The following RPS23 variants were observed in gnomAD, a reference collection of about 807,000 sequenced individuals.
The protein encoded by RPS23 is ribosomal protein S23.
For missense variants in RPS23, 73 were observed against 174.5 expected, an observed-to-expected ratio of 0.42 and a Z score of 3.28; for synonymous variants, 66 against 60.4, an observed-to-expected ratio of 1.09 and a Z score of -0.43.
chr5:82,278,344 G>A lies in RPS23; in HGVS notation c.-21C>T, dbSNP rs1209053204. The A allele has an allele frequency of 1.2e-6, 2 of 1,607,344 alleles. No individual in the cohort carries two copies. The highest frequency in any genetic ancestry group is 1.7e-6 in the Non-Finnish European group (2 of 1,177,458). On this transcript the variant is annotated 5_prime_UTR_variant, in exon 1 of 4. Coordinates refer to ENST00000296674, the MANE Select transcript of RPS23 (RefSeq NM_001025.5). Reference sequence around the variant, plus strand: ...CCCATCCTGTCGGCGCCACGGGCCTGAGCGAAAGAGAGAAGCACCGCAGGA... The same window carrying A: ...CCCATCCTGTCGGCGCCACGGGCCTAAGCGAAAGAGAGAAGCACCGCAGGA...
In RPS23 at chr5:82,278,352, G is replaced by A. The variant is rs766487481; in HGVS notation, c.-29C>T. The stretch of plus-strand genomic sequence containing the variant: ...GTCGGCGCCACGGGCCTGAGCGAAA[G>A]AGAGAAGCACCGCAGGAAGGAGCCA... On this transcript the variant is annotated 5_prime_UTR_variant, in exon 1 of 4. Transcript: ENST00000296674. 68 of 1,606,552 alleles carry A rather than the reference G, an allele frequency of 4.2e-5. No individual in the cohort carries two copies. The highest frequency in any genetic ancestry group is 3.3e-4 in the South Asian group (30 of 89,806).
intron 3 of RPS23, 42 bp from the exon 4 acceptor site, chr5:82,276,297 T>C (rs1747772777): frequency 6.2e-7 from 1 of 1,612,686 alleles, no homozygotes; most frequent in African/African-American, 1.3e-5. Context: ...TTGGTGGCGA[T>C]CACAAAAATA....
At chr5:82,277,918 A>C in intron 1 of RPS23, 66 bp from the exon 2 acceptor site, 1 of 1,392,780 alleles carries the variant, frequency 7.2e-7, no homozygotes, top group Non-Finnish European at 1.0e-6. Flanking sequence ...ATCTTCTAAG[A>C]CACTCGCCTC....
At chr5:82,277,189 A>G (rs944746923) in intron 2 of RPS23, among the ~76,000 whole-genome samples, 8 of 151,512 alleles carry the variant, frequency 5.3e-5, no homozygotes, top group Non-Finnish European at 8.8e-5. Flanking sequence ...AAAAAAAAAA[A>G]AAAAAAAAAA....
At position 82,275,165 on chromosome 5, in the gene RPS23, G is replaced by A. The variant is rs1747745012; in HGVS notation, c.*944C>T. ...TTGTTTTCCAAAGATCCTAAACAATGTAAAGCTAGGCTTTGATCAAAGGGC... is the reference window on the plus strand; with the variant it reads ...TTGTTTTCCAAAGATCCTAAACAATATAAAGCTAGGCTTTGATCAAAGGGC... On this transcript the variant is annotated 3_prime_UTR_variant, in exon 4 of 4. Transcript: ENST00000296674. 5 of 699,056 alleles carry A rather than the reference G, an allele frequency of 7.2e-6. No homozygotes were observed. Among genetic ancestry groups the A allele is most frequent in the Middle Eastern group, 4.6e-4 (2 of 4,336 alleles). The allele number at this position is 699,056 out of a possible 1,614,324, so 43.3% of individuals were successfully genotyped here.
In RPS23 at chr5:82,274,682, T is replaced by A. The variant is rs1490189975; in HGVS notation, c.*1427A>T. ...TGGTTCTGGCCAGGTGAGCGAGGCC[T>A]AGCAATCTCTCCCGCATCACAAAGG... On this transcript the variant is annotated 3_prime_UTR_variant, in exon 4 of 4. Coordinates refer to ENST00000296674, the MANE Select transcript of RPS23 (RefSeq NM_001025.5). 6.5e-6 allele frequency: 1 copy of A among 152,694 alleles called. No individual in the cohort carries two copies. The highest frequency in any genetic ancestry group is 6.5e-5 in the Admixed American group (1 of 15,332). 9.5% of individuals were successfully genotyped at this position (152,694 alleles called of 1,614,324 possible).
At chr5:82,278,161 C>T in intron 1 of RPS23, 159 bp downstream of exon 1, 2 of 974,448 alleles carry the variant, frequency 2.1e-6, no homozygotes, top group Non-Finnish European at 3.0e-6. Context: ...GGGCCCCTTC[C>T]GCGCCGGACC....
In RPS23 at chr5:82,277,731, T is replaced by A. The variant is rs1195142859; in HGVS notation, c.126A>T (p.Gly42=). 6.2e-7 allele frequency: 1 copy of A among 1,613,868 alleles called. No homozygotes were observed. The highest frequency in any genetic ancestry group is 1.3e-5 in the African/African-American group (1 of 74,926). The part of the protein sequence containing the change: ...LGTALKANPF[G]GASHAKGIVL... ...CGATTCCTTTTGCATGAGAAGCACC[T>A]CCAAAAGGGTTGGCCTTTAGGGCTG... Residue 42 remains glycine (G), a synonymous_variant, in exon 2 of 4, where the codon GGA becomes GGT. Coordinates refer to ENST00000296674, the MANE Select transcript of RPS23 (RefSeq NM_001025.5).
chr5:82,276,655 G>T, intron 2 of RPS23, 137 bp from the exon 3 acceptor site: 1 of 1,009,812 alleles, frequency 9.9e-7, no homozygotes, highest in Non-Finnish European at 1.4e-6. Flanking sequence ...GTCCTGTGAT[G>T]TCAACCTAGT....
Position 82,275,291 on chromosome 5 carries a change from A to G in RPS23, c.*818T>C, listed in dbSNP as rs1747748902. 4 of 702,616 alleles carry G rather than the reference A, an allele frequency of 5.7e-6. No homozygotes were observed. Among genetic ancestry groups the G allele is most frequent in the East Asian group, 5.4e-5 (2 of 37,274 alleles). 43.5% of individuals were successfully genotyped at this position (702,616 alleles called of 1,614,324 possible). The stretch of plus-strand genomic sequence containing the variant: ...TTCAACCATGCCACTGTATCCATGA[A>G]AACTCTGAAACAAGTATTTGTGGAC... On this transcript the variant is annotated 3_prime_UTR_variant, in exon 4 of 4. Coordinates refer to ENST00000296674, the MANE Select transcript of RPS23 (RefSeq NM_001025.5).
At position 82,276,032 on chromosome 5, in the gene RPS23, G is replaced by A. The variant is rs549359010; in HGVS notation, c.*77C>T. 1.5e-6 allele frequency: 2 copies of A among 1,364,836 alleles called. No individual in the cohort carries two copies. The highest frequency in any genetic ancestry group is 4.6e-5 in the East Asian group (2 of 43,510). 84.5% of individuals were successfully genotyped at this position (1,364,836 alleles called of 1,614,324 possible). A position where few individuals can be genotyped will look rare whatever the true frequency, so the allele number is the denominator to read the frequency against. On this transcript the variant is annotated 3_prime_UTR_variant, in exon 4 of 4. Coordinates refer to ENST00000296674, the MANE Select transcript of RPS23 (RefSeq NM_001025.5). ...TGGTAATGAACATGATCTTCGTGGT[G>A]AGAACAGGGGACAGTAAGATACAAA...
chr5:82,278,120 T>C (rs1747987942), intron 1 of RPS23, 200 bp downstream of exon 1: 1 of 719,582 alleles, frequency 1.4e-6, no homozygotes, highest in Non-Finnish European at 2.3e-6. Context: ...CGTCCCTCGG[T>C]ACCCCGACCT....
chr5:82,276,868 A>G (rs1747818874), intron 2 of RPS23: 1 of 232,804 alleles, frequency 4.3e-6, no homozygotes, highest in Non-Finnish European at 8.4e-6. Context: ...AGAAAAAAGA[A>G]AAAAGGTATC....
Position 82,276,051 on chromosome 5 carries a change from A to G in RPS23, c.*58T>C, listed in dbSNP as rs1481064716. 1.8e-5 allele frequency: 27 copies of G among 1,510,124 alleles called. No individual in the cohort carries two copies. Among genetic ancestry groups the G allele is most frequent in the African/African-American group, 2.8e-5 (2 of 71,884 alleles). 93.5% of individuals were successfully genotyped at this position (1,510,124 alleles called of 1,614,324 possible). On this transcript the variant is annotated 3_prime_UTR_variant, in exon 4 of 4. Coordinates refer to ENST00000296674, the MANE Select transcript of RPS23 (RefSeq NM_001025.5). ...CGTGGTGAGAACAGGGGACAGTAAG[A>G]TACAAACATTTTTTGGCATATGAAA...
Position 82,275,199 on chromosome 5 carries a change from C to T in RPS23, c.*910G>A. ...GGCTTTGATCAAAGGGCTAATTAAC[C>T]CATACTTACTATTTGTTAACAGGAG... On this transcript the variant is annotated 3_prime_UTR_variant, in exon 4 of 4. Transcript: ENST00000296674. 4 of 702,412 alleles carry T rather than the reference C, an allele frequency of 5.7e-6. No homozygotes were observed. Among genetic ancestry groups the T allele is most frequent in the Non-Finnish European group, 7.8e-6 (3 of 384,938 alleles). 43.5% of individuals were successfully genotyped at this position (702,412 alleles called of 1,614,324 possible).
chr5:82,274,987 CAACT>C lies in RPS23; in HGVS notation c.*1118_*1121del, dbSNP rs1747740969. The C allele has an allele frequency of 2.0e-6, 1 of 509,090 alleles. No individual in the cohort carries two copies. The highest frequency in any genetic ancestry group is 1.9e-5 in the African/African-American group (1 of 52,140). The allele number at this position is 509,090 out of a possible 1,614,324, so 31.5% of individuals were successfully genotyped here. The stretch of plus-strand genomic sequence containing the variant: ...TATGGAACCCAAGTTTGAGGATGAC[CAACT>C]GAGACCAGTGTTGCTGGAGCACAAA... On this transcript the variant is annotated 3_prime_UTR_variant, in exon 4 of 4. Coordinates refer to ENST00000296674, the MANE Select transcript of RPS23 (RefSeq NM_001025.5).
At position 82,274,465 on chromosome 5, in the gene RPS23, T is replaced by C. The variant is rs573384562; in HGVS notation, c.*1644A>G. 6.6e-6 allele frequency: 1 copy of C among 152,344 alleles called. No individual in the cohort carries two copies. Among genetic ancestry groups the C allele is most frequent in the Non-Finnish European group, 1.5e-5 (1 of 68,132 alleles). 9.4% of individuals were successfully genotyped at this position (152,344 alleles called of 1,614,324 possible). On this transcript the variant is annotated 3_prime_UTR_variant, in exon 4 of 4. Transcript: ENST00000296674. ...GCCAACAGGGTACAGCTGCAAGCCATTGTTGAAGGTGTCTTGACGTATCAG... is the reference window on the plus strand; with the variant it reads ...GCCAACAGGGTACAGCTGCAAGCCACTGTTGAAGGTGTCTTGACGTATCAG...
chr5:82,275,497 T>A lies in RPS23; in HGVS notation c.*612A>T, dbSNP rs1280000705. 1.7e-6 allele frequency: 1 copy of A among 597,324 alleles called. No individual in the cohort carries two copies. Among genetic ancestry groups the A allele is most frequent in the African/African-American group, 1.9e-5 (1 of 53,884 alleles). The allele number at this position is 597,324 out of a possible 1,614,324, so 37.0% of individuals were successfully genotyped here. On this transcript the variant is annotated 3_prime_UTR_variant, in exon 4 of 4. Coordinates refer to ENST00000296674, the MANE Select transcript of RPS23 (RefSeq NM_001025.5). ...TATACCTTATCTCCCTTGCCTGGCA[T>A]ATACTTCCATCAACTAAATGATCCA...
At position 82,275,544 on chromosome 5, in the gene RPS23, C is replaced by T; in HGVS notation, c.*565G>A. ...TCCAATGCCTGTATTCTCCTAAACA[C>T]ATTAATGTAGACACATTACAACACA... On this transcript the variant is annotated 3_prime_UTR_variant, in exon 4 of 4. Coordinates refer to ENST00000296674, the MANE Select transcript of RPS23 (RefSeq NM_001025.5). 7.2e-6 allele frequency: 4 copies of T among 558,776 alleles called. No homozygotes were observed. The highest frequency in any genetic ancestry group is 1.3e-5 in the Non-Finnish European group (4 of 313,388). The allele number at this position is 558,776 out of a possible 1,614,324, so 34.6% of individuals were successfully genotyped here.
Sources: gnomAD v4.1 joint callset for allele counts (sites outside exome capture counted in the v4.1 genomes callset) on GRCh38, gnomAD v4.1.1 for gene constraint, MANE v1.5 for transcripts, NCBI Gene and HGNC (gene_info 2026-07-23, HGNC 2026-07-21) for gene names.